The following CDK5RAP2 variants were observed in gnomAD, a reference collection of about 807,000 sequenced individuals.
CDK5RAP2 encodes the protein CDK5 regulatory subunit associated protein 2.
Under a neutral mutation model 232.9 loss-of-function variants are expected in CDK5RAP2, and 147 were observed. The ratio of observed to expected loss-of-function variants is 0.63; its 90% CI spans 0.55 to 0.72. CDK5RAP2 has a LOEUF of 0.72. CDK5RAP2 is among the 30% of genes least tolerant of loss of function. The pLI is 0.00. For missense variants in CDK5RAP2, 2,195 were observed against 2,231.5 expected, an observed-to-expected ratio of 0.98 and a Z score of 0.33; for synonymous variants, 833 against 833.7, an observed-to-expected ratio of 1.00 and a Z score of 0.01.
At chr9:120,503,700 G>C (rs2039681142) in intron 12 of CDK5RAP2, among the ~76,000 whole-genome samples, 1 of 152,090 alleles carries the variant, frequency 6.6e-6, no homozygotes, top group African/African-American at 2.4e-5. Context: ...AGGGTCCTTG[G>C]AGGTCTGGAG....
intron 25 of CDK5RAP2, among the ~76,000 whole-genome samples, chr9:120,426,590 T>A (rs1454046223): frequency 6.6e-6 from 1 of 152,114 alleles, no homozygotes; most frequent in East Asian, 1.9e-4. Flanking sequence ...GAGGTGGCCA[T>A]CCTCAGAGGC....
intron 23 of CDK5RAP2, among the ~76,000 whole-genome samples, chr9:120,441,018 A>G (rs1357821666): frequency 2.6e-5 from 4 of 152,248 alleles, no homozygotes; most frequent in Non-Finnish European, 4.4e-5. Context: ...GAAGTGGAGT[A>G]GTACAGCAGA....
chr9:120,555,292 C>T (rs2042186248), intron 3 of CDK5RAP2, among the ~76,000 whole-genome samples: 1 of 152,154 alleles, frequency 6.6e-6, no homozygotes, highest in African/African-American at 2.4e-5. Flanking sequence ...CTACCACGCT[C>T]GGCTAAGTTT....
At position 120,463,923 on chromosome 9, in the gene CDK5RAP2, A is replaced by G. The variant is rs572345456; in HGVS notation, c.2107-3256T>C. Among the ~76,000 whole-genome samples the G allele has an allele frequency of 2.6e-4, 40 of 152,352 alleles. No individual in the cohort carries two copies. In the South Asian group the frequency reaches 7.7e-3, roughly 29 times the overall value. ...CTAAGATGTCAGAAAGAACTGAGTC[A>G]CTATACCTGGCTCGGCTTCCAGCCC... is the stretch of plus-strand genomic sequence containing the variant. On this transcript the variant is annotated intron_variant, in intron 18 of 37. Transcript: ENST00000349780.
At chr9:120,448,311 T>C (rs1195706251) in intron 21 of CDK5RAP2, among the ~76,000 whole-genome samples, 185 bp from the exon 22 acceptor site, 1 of 152,172 alleles carries the variant, frequency 6.6e-6, no homozygotes, top group African/African-American at 2.4e-5. Context: ...GTCCCTCCTC[T>C]GATCATCAAG....
intron 12 of CDK5RAP2, among the ~76,000 whole-genome samples, chr9:120,514,513 G>A (rs919143991): frequency 6.6e-6 from 1 of 152,232 alleles, no homozygotes; most frequent in Non-Finnish European, 1.5e-5. Flanking sequence ...CTCTTCTGCA[G>A]TAAATCGGGA....
intron 21 of CDK5RAP2, among the ~76,000 whole-genome samples, chr9:120,451,331 G>C (rs910759853): frequency 1.3e-5 from 2 of 152,192 alleles, no homozygotes; most frequent in Non-Finnish European, 2.9e-5. Context: ...ACTTGCCAAA[G>C]GCTCAAAGCA....
chr9:120,435,617 A>G (rs1040042176), intron 25 of CDK5RAP2, among the ~76,000 whole-genome samples: 3 of 152,190 alleles, frequency 2.0e-5, no homozygotes, highest in African/African-American at 7.2e-5. Context: ...TCTTGGAGAA[A>G]TGGCTCATTC....
chr9:120,510,355 G>A (rs1396741957), intron 12 of CDK5RAP2, among the ~76,000 whole-genome samples: 4 of 152,120 alleles, frequency 2.6e-5, no homozygotes, highest in Admixed American at 6.5e-5. Flanking sequence ...AGCGGATGAC[G>A]GGTCTCATAA....
At chr9:120,455,090 G>A (rs145898024) in intron 20 of CDK5RAP2, among the ~76,000 whole-genome samples, 2 of 152,264 alleles carry the variant, frequency 1.3e-5, no homozygotes, top group African/African-American at 4.8e-5. Context: ...AGTGGGCACT[G>A]GGGATACAAA....
chr9:120,524,890 T>G, intron 11 of CDK5RAP2, 96 bp downstream of exon 11: 1 of 855,886 alleles, frequency 1.2e-6, no homozygotes, highest in Non-Finnish European at 2.0e-6. Context: ...ACAGTTTTCC[T>G]TATTAAAATC....
intron 20 of CDK5RAP2, 46 bp from the exon 21 acceptor site, chr9:120,453,919 T>G (rs1255948105): frequency 6.3e-7 from 1 of 1,595,608 alleles, no homozygotes; most frequent in African/African-American, 1.3e-5. Context: ...AGCTTTCTGC[T>G]AGGCCTTGTC....
At chr9:120,484,403 T>C (rs1290152875) in intron 14 of CDK5RAP2, among the ~76,000 whole-genome samples, 1 of 152,180 alleles carries the variant, frequency 6.6e-6, no homozygotes. Context: ...AATTCCTTTG[T>C]TGCTGTTGTT....
intron 14 of CDK5RAP2, among the ~76,000 whole-genome samples, chr9:120,484,078 A>G (rs771532725): frequency 4.6e-5 from 7 of 152,200 alleles, no homozygotes; most frequent in Non-Finnish European, 7.3e-5. Context: ...TCTATTCTTC[A>G]ATTCCCTAGT....
chr9:120,406,650 A>G, intron 32 of CDK5RAP2: 1 of 256,006 alleles, frequency 3.9e-6, no homozygotes, highest in Non-Finnish European at 7.5e-6. Context: ...TGAAAGCCAG[A>G]TTAAGATGTT....
At chr9:120,422,774 G>GA (rs769940396) in intron 25 of CDK5RAP2, 33 bp from the exon 26 acceptor site, 33 of 1,573,388 alleles carry the variant, frequency 2.1e-5, no homozygotes, top group Admixed American at 1.3e-4. Context: ...GAAAGGAGGA[G>GA]AAAAAAATGT....
rs772110733 is a variant in CDK5RAP2 at position 120,448,083 on chromosome 9, C to G, written c.2837G>C (p.Arg946Pro). 1 of 1,614,114 alleles carries G rather than the reference C, an allele frequency of 6.2e-7. No individual in the cohort carries two copies. The highest frequency in any genetic ancestry group is 2.2e-5 in the East Asian group (1 of 44,880). The change falls in exon 22 of 38, where the codon CGG becomes CCG. Residue 946 changes from arginine (R) to proline (P), a missense_variant. By Grantham distance (103) the Arg-to-Pro change is moderately radical. Coordinates refer to ENST00000349780, the MANE Select transcript of CDK5RAP2 (RefSeq NM_018249.6). ...GAGACGATACATATTTCCTAATGACCGGGATGGTTTTATTAGGATTGGCAA... is the reference window on the plus strand; with the variant it reads ...GAGACGATACATATTTCCTAATGACGGGGATGGTTTTATTAGGATTGGCAA... ...SRLPILIKPS[R>P]SLGNMYRLPA...
chr9:120,402,738 C>T (rs2033132095), intron 34 of CDK5RAP2, 68 bp downstream of exon 34: 4 of 1,583,984 alleles, frequency 2.5e-6, no homozygotes, highest in East Asian at 4.5e-5. Context: ...CGCCATTTGA[C>T]TCCCCTCCCC....
At chr9:120,507,294 A>T (rs1286129646) in intron 12 of CDK5RAP2, among the ~76,000 whole-genome samples, 1 of 152,220 alleles carries the variant, frequency 6.6e-6, no homozygotes, top group Non-Finnish European at 1.5e-5. Flanking sequence ...GCTTTATTCC[A>T]ATCCCTAATA....
Sources: gnomAD v4.1 joint callset for allele counts (sites outside exome capture counted in the v4.1 genomes callset) on GRCh38, gnomAD v4.1.1 for gene constraint, MANE v1.5 for transcripts, NCBI Gene and HGNC (gene_info 2026-07-23, HGNC 2026-07-21) for gene names.